FNBP1: variants seen among roughly 807,000 people sequenced by gnomAD.
The protein encoded by FNBP1 is formin binding protein 1, also known as formin-binding protein 1.
In FNBP1, 26 loss-of-function variants were observed where a neutral mutation model predicts 90.6. That is an observed-to-expected ratio of 0.29 (90% CI 0.21 to 0.40). The LOEUF is 0.40. Ranked by LOEUF, FNBP1 falls within the 10% of genes least tolerant of loss-of-function variation. The probability of loss-of-function intolerance (pLI) is 1.00; values close to 1 mark genes in which losing one functional copy is unlikely to be tolerated. For synonymous variants in FNBP1, 260 were observed against 265.2 expected (o/e 0.98, Z 0.19); for missense variants, 635 against 768.0 (o/e 0.83, Z 2.05).
At chr9:129,934,425 G>A (rs895680593) in intron 6 of FNBP1, among the ~76,000 whole-genome samples, 5 of 152,152 alleles carry the variant, frequency 3.3e-5, no homozygotes, top group East Asian at 3.8e-4. Context: ...GGTCACAGAC[G>A]TCTTAGAATC....
intron 4 of FNBP1, 116 bp downstream of exon 4, chr9:129,978,348 AG>A: frequency 3.5e-6 from 3 of 865,354 alleles, no homozygotes. Context: ...TGATTCTCAA[AG>A]GTATGAGTTT....
intron 11 of FNBP1, among the ~76,000 whole-genome samples, chr9:129,911,155 C>T (rs530627944): frequency 1.3e-5 from 2 of 152,308 alleles, no homozygotes; most frequent in African/African-American, 4.8e-5. Flanking sequence ...AGCCACCATG[C>T]GCGGCCTCTT....
chr9:130,019,670 C>T (rs185425697), intron 1 of FNBP1, among the ~76,000 whole-genome samples: 1,694 of 152,214 alleles, frequency 0.011, 19 homozygotes, highest in Middle Eastern at 0.054. Context: ...TTGTTTTGAT[C>T]TTTGGAGTAA....
chr9:129,905,123 C>T (rs1321634407), intron 12 of FNBP1, among the ~76,000 whole-genome samples: 3 of 151,836 alleles, frequency 2.0e-5, no homozygotes, highest in Non-Finnish European at 2.9e-5. Context: ...ACACCTCCCA[C>T]TACCTCCCTA....
chr9:130,017,180 G>C (rs1004786940), intron 1 of FNBP1, among the ~76,000 whole-genome samples: 1 of 152,162 alleles, frequency 6.6e-6, no homozygotes, highest in South Asian at 2.1e-4. Flanking sequence ...TCAAGTCCCT[G>C]AGATCAGCTG....
chr9:129,989,544 C>T (rs372687728), intron 2 of FNBP1, among the ~76,000 whole-genome samples: 164 of 152,194 alleles, frequency 1.1e-3, no homozygotes, highest in African/African-American at 3.8e-3. Flanking sequence ...CATTAGTGAG[C>T]ACAACCCAAA....
chr9:129,930,352 G>A (rs372943682), intron 6 of FNBP1, among the ~76,000 whole-genome samples: 58 of 152,158 alleles, frequency 3.8e-4, no homozygotes, highest in African/African-American at 1.3e-3. Context: ...CATGAACCAC[G>A]GTGCCTGGCT....
chr9:129,931,306 T>C (rs1011281958), intron 6 of FNBP1, among the ~76,000 whole-genome samples: 2 of 151,496 alleles, frequency 1.3e-5, no homozygotes, highest in African/African-American at 4.9e-5. Flanking sequence ...CAAAAAATAA[T>C]AATAACAAAT....
At chr9:129,896,126 C>T in intron 15 of FNBP1, 130 bp from the exon 16 acceptor site, 1 of 868,154 alleles carries the variant, frequency 1.2e-6, no homozygotes, top group Non-Finnish European at 1.8e-6. Context: ...CTCGGACCTT[C>T]TCAGATGCAC....
intron 1 of FNBP1, among the ~76,000 whole-genome samples, chr9:130,038,399 CTTTTTTTTTTT>C (rs796531911): frequency 3.7e-5 from 4 of 108,546 alleles, no homozygotes; most frequent in African/African-American, 1.3e-4. Flanking sequence ...ACAGGTGGCT[CTTTTTTTTTTT>C]TTTTTTTGAG....
intron 12 of FNBP1, among the ~76,000 whole-genome samples, chr9:129,903,964 G>T (rs1410622031): frequency 6.6e-6 from 1 of 152,178 alleles, no homozygotes; most frequent in East Asian, 1.9e-4. Flanking sequence ...TTGAACCCAG[G>T]AGGTGGAGGT....
chr9:130,004,572 T>A (rs1387668692), intron 1 of FNBP1, among the ~76,000 whole-genome samples: 2 of 152,214 alleles, frequency 1.3e-5, no homozygotes, highest in African/African-American at 4.8e-5. Context: ...AAGCAGGACT[T>A]AAATGGCTCT....
intron 1 of FNBP1, among the ~76,000 whole-genome samples, chr9:130,002,829 C>A (rs1280561792): frequency 1.3e-5 from 2 of 152,138 alleles, no homozygotes; most frequent in East Asian, 3.8e-4. Context: ...CTTTCAGGAA[C>A]CTCGCTGAAC....
At chr9:129,958,261 A>T (rs1038923572) in intron 5 of FNBP1, among the ~76,000 whole-genome samples, 1 of 152,000 alleles carries the variant, frequency 6.6e-6, no homozygotes, top group African/African-American at 2.4e-5. Flanking sequence ...GCAAAACCCC[A>T]TCTCTACCAA....
In FNBP1 at chr9:129,889,867, T is replaced by TGC; in HGVS notation, c.*670_*671dup. The TGC allele has an allele frequency of 4.3e-6, 1 of 233,556 alleles. No individual in the cohort carries two copies. Among genetic ancestry groups the TGC allele is most frequent in the Non-Finnish European group, 8.5e-6 (1 of 118,100 alleles). The allele number at this position is 233,556 out of a possible 1,614,324, so 14.5% of individuals were successfully genotyped here. A position where few individuals can be genotyped will look rare whatever the true frequency, so the allele number is the denominator to read the frequency against. On this transcript the variant is annotated 3_prime_UTR_variant, in exon 17 of 17. Coordinates refer to ENST00000446176, the MANE Select transcript of FNBP1 (RefSeq NM_015033.3). ...AGGGCGTCAAACCAAAATGTGTGTATGCGCACGCGTGTGTACTGGTGGGTG... is the reference window on the plus strand; with the variant it reads ...AGGGCGTCAAACCAAAATGTGTGTATGCGCGCACGCGTGTGTACTGGTGGGTG...
At chr9:129,904,507 G>T (rs1195306568) in intron 12 of FNBP1, among the ~76,000 whole-genome samples, 3 of 152,098 alleles carry the variant, frequency 2.0e-5, no homozygotes, top group African/African-American at 7.2e-5. Flanking sequence ...TCCAAAGCAG[G>T]CCATACAATA....
intron 10 of FNBP1, among the ~76,000 whole-genome samples, chr9:129,920,800 A>C (rs944304921): frequency 5.3e-5 from 8 of 152,208 alleles, no homozygotes; most frequent in Non-Finnish European, 1.2e-4. Flanking sequence ...GAGTCCAAAA[A>C]AATACAGAGA....
At chr9:129,922,034 T>C (rs184786448) in intron 10 of FNBP1, among the ~76,000 whole-genome samples, 2 of 151,482 alleles carry the variant, frequency 1.3e-5, no homozygotes, top group East Asian at 3.9e-4. Context: ...ACTACAACTG[T>C]ATTGCAACTC....
intron 16 of FNBP1, among the ~76,000 whole-genome samples, chr9:129,892,200 T>C (rs1046161911): frequency 6.6e-6 from 1 of 152,116 alleles, no homozygotes; most frequent in African/African-American, 2.4e-5. Context: ...TTTTAGTTTT[T>C]AAGTTGCAGT....
Sources: allele counts gnomAD v4.1 joint callset (sites outside exome capture counted in the v4.1 genomes callset), GRCh38; gene constraint gnomAD v4.1.1; transcripts MANE v1.5; gene names NCBI Gene and HGNC (gene_info 2026-07-23, HGNC 2026-07-21).